Variants in ABCB5 observed in about 807,000 individuals in gnomAD.
ABCB5 encodes ATP-binding cassette sub-family B member 5.
ABCB5 carries 155 observed loss-of-function variants against 144.2 expected under a neutral mutation model. The ratio of observed to expected loss-of-function variants is 1.08; its 90% CI spans 0.94 to 1.23. ABCB5 has a LOEUF of 1.23. Among genes scored for constraint, ABCB5 ranks in the 50% most tolerant of loss-of-function variants. ABCB5 has a pLI of 0.00. For missense variants in ABCB5, 1,830 were observed against 1,520.8 expected, an observed-to-expected ratio of 1.20 and a Z score of -3.38; for synonymous variants, 610 against 528.6, an observed-to-expected ratio of 1.15 and a Z score of -2.11.
At chr7:20,735,105 C>T (rs1314150713) in intron 23 of ABCB5, among the ~76,000 whole-genome samples, 2 of 152,082 alleles carry the variant, frequency 1.3e-5, no homozygotes, top group Non-Finnish European at 1.5e-5. Context: ...TCCATATTAT[C>T]AAGAAGCTAA....
At chr7:20,685,530 G>C (rs929152744) in intron 15 of ABCB5, among the ~76,000 whole-genome samples, 166 bp from the exon 16 acceptor site, 17 of 152,196 alleles carry the variant, frequency 1.1e-4, no homozygotes, top group African/African-American at 3.9e-4. Context: ...GTATGAGATA[G>C]ACTTATCAGC....
chr7:20,744,689 C>T (rs1170460289), intron 25 of ABCB5, among the ~76,000 whole-genome samples: 1 of 151,776 alleles, frequency 6.6e-6, no homozygotes, highest in Non-Finnish European at 1.5e-5. Context: ...GTGCAGCACA[C>T]CAACATGGCA....
At chr7:20,711,776 T>TTCTCTCTCTCTCTCTTTCTCTCTCTC (rs537885442) in intron 20 of ABCB5, among the ~76,000 whole-genome samples, 4 of 42,190 alleles carry the variant, frequency 9.5e-5, no homozygotes, top group Admixed American at 5.1e-4. Context: ...CTTTCCTTCT[T>TTCTCTCTCTCTCTCTTTCTCTCTCTC]TCTCTTTCTT....
At chr7:20,658,928 C>T (rs905901097) in intron 14 of ABCB5, 4 of 1,022,324 alleles carry the variant, frequency 3.9e-6, no homozygotes, top group Admixed American at 1.8e-5. Flanking sequence ...CCAGTCTATA[C>T]CTCCATTCCA....
intron 3 of ABCB5, among the ~76,000 whole-genome samples, chr7:20,626,854 G>GGTGTGTGTGTGT (rs370537783): frequency 8.4e-5 from 12 of 143,670 alleles, no homozygotes; most frequent in African/African-American, 2.6e-4. Flanking sequence ...GTGTTTTTGG[G>GGTGTGTGTGTGT]GTGTGTGTGT....
chr7:20,711,414 C>A (rs980764688), intron 20 of ABCB5, among the ~76,000 whole-genome samples: 1 of 148,564 alleles, frequency 6.7e-6, no homozygotes, highest in Admixed American at 6.7e-5. Context: ...AAATATATTT[C>A]CACCAGTTAT....
chr7:20,728,477 G>C (rs1231619669), intron 23 of ABCB5, 22 bp downstream of exon 23: 13 of 1,611,918 alleles, frequency 8.1e-6, no homozygotes, highest in African/African-American at 1.3e-5. Flanking sequence ...AAATAGTCCG[G>C]ACCTGGTAGC....
At chr7:20,678,292 T>A (rs1785678425) in intron 14 of ABCB5, among the ~76,000 whole-genome samples, 1 of 152,200 alleles carries the variant, frequency 6.6e-6, no homozygotes, top group Admixed American at 6.5e-5. Flanking sequence ...TCCCTTCTCT[T>A]ATAGATTTGG....
intron 20 of ABCB5, among the ~76,000 whole-genome samples, chr7:20,715,067 C>A (rs1246009052): frequency 6.6e-6 from 1 of 152,134 alleles, no homozygotes; most frequent in African/African-American, 2.4e-5. Flanking sequence ...TATTATGAGA[C>A]AGAGTCTCAT....
At chr7:20,702,799 C>A (rs1786675496) in intron 19 of ABCB5, among the ~76,000 whole-genome samples, 1 of 148,914 alleles carries the variant, frequency 6.7e-6, no homozygotes, top group African/African-American at 2.5e-5. Context: ...GTAGCTGGGA[C>A]TACAGGCGCC....
chr7:20,679,113 A>G (rs1228418734), intron 14 of ABCB5, among the ~76,000 whole-genome samples: 1 of 152,180 alleles, frequency 6.6e-6, no homozygotes, highest in Non-Finnish European at 1.5e-5. Context: ...AAGAAAAAAA[A>G]TTGATAAATT....
intron 15 of ABCB5, among the ~76,000 whole-genome samples, chr7:20,685,152 T>G (rs1452872729): frequency 1.3e-5 from 2 of 152,182 alleles, no homozygotes; most frequent in African/African-American, 2.4e-5. Context: ...ACCTGGTCTT[T>G]AATGTTAATT....
chr7:20,650,065 T>A lies in ABCB5; in HGVS notation c.1250T>A (p.Val417Asp). Residue 417 changes from valine (V) to aspartate (D), a missense_variant, in exon 12 of 28, where the codon GTC becomes GAC. Physicochemically the swap from Val to Asp is radical, Grantham distance 152. Coordinates refer to ENST00000404938, the MANE Select transcript of ABCB5 (RefSeq NM_001163941.2). ...CTCAGAATTAAGTCTGGAGAGACAG[T>A]CGCCTTGGTCGGTCTCAATGGCAGT... ...LNLRIKSGET[V>D]ALVGLNGSGK... The A allele has an allele frequency of 6.2e-7, 1 of 1,613,534 alleles. No homozygotes were observed. The highest frequency in any genetic ancestry group is 8.5e-7 in the Non-Finnish European group (1 of 1,179,614).
At chr7:20,700,436 C>T (rs527770229) in intron 19 of ABCB5, among the ~76,000 whole-genome samples, 3 of 152,258 alleles carry the variant, frequency 2.0e-5, no homozygotes, top group South Asian at 2.1e-4. Context: ...GGGATCAGAA[C>T]GGAAGGCCAA....
At chr7:20,708,790 T>G (rs879591283) in intron 20 of ABCB5, among the ~76,000 whole-genome samples, 7 of 152,246 alleles carry the variant, frequency 4.6e-5, no homozygotes, top group Non-Finnish European at 1.0e-4. Flanking sequence ...TCACAAGCTT[T>G]GTAAATTTGT....
At chr7:20,737,773 T>C (rs371467902) in intron 23 of ABCB5, among the ~76,000 whole-genome samples, 34 of 152,266 alleles carry the variant, frequency 2.2e-4, no homozygotes, top group East Asian at 1.2e-3. Flanking sequence ...ACCTTCTGAT[T>C]TGGTTACCTA....
chr7:20,639,192 A>T (rs1784233237), intron 5 of ABCB5, among the ~76,000 whole-genome samples: 2 of 152,330 alleles, frequency 1.3e-5, no homozygotes, highest in South Asian at 2.1e-4. Flanking sequence ...ACATATTTTT[A>T]AATTGTGCCA....
chr7:20,642,207 A>T lies in ABCB5; in HGVS notation c.315-977A>T, dbSNP rs148940383. On this transcript the variant is annotated intron_variant, in intron 5 of 27. Transcript: ENST00000404938. ...GAATAAAACATGAACAGTGCACTGT[A>T]AAAACCCTAGAATATGCCAAATTCT... Among the ~76,000 whole-genome samples, 47 of 152,330 alleles carry T rather than the reference A, an allele frequency of 3.1e-4. 1 individual carries two copies. Among genetic ancestry groups the T allele is most frequent in the African/African-American group, 1.1e-3 (47 of 41,564 alleles).
chr7:20,647,670 A>G, intron 10 of ABCB5, 22 bp downstream of exon 10: 1 of 1,547,108 alleles, frequency 6.5e-7, no homozygotes, highest in South Asian at 1.2e-5. Flanking sequence ...TATTGCTTTG[A>G]AGAATAACTA....
Sources: allele counts gnomAD v4.1 joint callset (sites outside exome capture counted in the v4.1 genomes callset), GRCh38; gene constraint gnomAD v4.1.1; transcripts MANE v1.5; gene names NCBI Gene and HGNC (gene_info 2026-07-23, HGNC 2026-07-21).